APPL1: variants seen among roughly 807,000 people sequenced by gnomAD.
APPL1 encodes adaptor protein, phosphotyrosine interacting with PH domain and leucine zipper 1, also known as DCC-interacting protein 13-alpha.
APPL1 carries 42 observed loss-of-function variants against 106.8 expected under a neutral mutation model. The observed-to-expected ratio is 0.39, with a 90% confidence interval of 0.31 to 0.51. APPL1 has a LOEUF of 0.51. Among genes scored for constraint, APPL1 ranks in the 20% least tolerant of loss-of-function variants. The pLI is 0.75. For synonymous variants in APPL1, 263 were observed against 281.8 expected (o/e 0.93, Z 0.67); for missense variants, 769 against 858.2 (o/e 0.90, Z 1.30).
chr3:57,234,479 T>C (rs2060705535), intron 1 of APPL1, among the ~76,000 whole-genome samples: 1 of 151,464 alleles, frequency 6.6e-6, no homozygotes, highest in South Asian at 2.1e-4. Context: ...TTTGTATTTT[T>C]AGTAGAGATG....
At chr3:57,231,960 GA>G (rs2060689077) in intron 1 of APPL1, among the ~76,000 whole-genome samples, 1 of 152,120 alleles carries the variant, frequency 6.6e-6, no homozygotes, top group Non-Finnish European at 1.5e-5. Flanking sequence ...CATCTTTTAA[GA>G]ATACTGCCTG....
chr3:57,240,251 G>A (rs1175080982), intron 4 of APPL1, among the ~76,000 whole-genome samples: 1 of 151,196 alleles, frequency 6.6e-6, no homozygotes, highest in African/African-American at 2.4e-5. Context: ...ATGCAAGAAA[G>A]TGTTACCAAA....
intron 2 of APPL1, among the ~76,000 whole-genome samples, chr3:57,236,271 C>T (rs61497846): frequency 0.013 from 1,774 of 141,264 alleles, 32 homozygotes; most frequent in African/African-American, 0.044. Flanking sequence ...CTCGAACTCC[C>T]GACCTCAGGT....
At chr3:57,255,709 T>C (rs1189176817) in intron 13 of APPL1, among the ~76,000 whole-genome samples, 5 of 152,224 alleles carry the variant, frequency 3.3e-5, no homozygotes, top group African/African-American at 1.2e-4. Flanking sequence ...GTGTTAACTA[T>C]AGAGAAGGCT....
At chr3:57,247,127 C>A (rs1175560397) in intron 8 of APPL1, among the ~76,000 whole-genome samples, 1 of 151,748 alleles carries the variant, frequency 6.6e-6, no homozygotes, top group African/African-American at 2.4e-5. Context: ...ATTTATTTTC[C>A]AATTTTAAAA....
rs1280034530 is a variant in APPL1, at chr3:57,227,804, G to C, written c.-80G>C. The C allele has an allele frequency of 1.6e-6, 2 of 1,264,730 alleles. No homozygotes were observed. Among genetic ancestry groups the C allele is most frequent in the African/African-American group, 3.1e-5 (2 of 63,970 alleles). 78.3% of individuals were successfully genotyped at this position (1,264,730 alleles called of 1,614,324 possible). Reference sequence around the variant, plus strand: ...GCCCTTGCCGGAGAGGGCGGGCCGGGGTCAGCTGCGGCGGGCGGGCCGGCG... The same window carrying C: ...GCCCTTGCCGGAGAGGGCGGGCCGGCGTCAGCTGCGGCGGGCGGGCCGGCG... On this transcript the variant is annotated 5_prime_UTR_variant, in exon 1 of 22. Transcript: ENST00000288266.
chr3:57,235,714 C>A, intron 2 of APPL1, 50 bp downstream of exon 2: 2 of 1,343,096 alleles, frequency 1.5e-6, no homozygotes, highest in African/African-American at 1.4e-5. Flanking sequence ...AATCTTTAAG[C>A]CTCATGAGGA....
chr3:57,247,568 C>T, intron 9 of APPL1, 91 bp downstream of exon 9: 1 of 836,968 alleles, frequency 1.2e-6, no homozygotes, highest in Non-Finnish European at 1.8e-6. Context: ...CATTTACTTT[C>T]CTGAGGGAAT....
In APPL1 at chr3:57,257,802, C is replaced by T. The variant is rs114299923; in HGVS notation, c.1430+374C>T. On this transcript the variant is annotated intron_variant, in intron 15 of 21. Transcript: ENST00000288266. The stretch of plus-strand genomic sequence containing the variant: ...TTTATTAGAAAATATTATCTTATAC[C>T]AGAATAAGAAATCTTCAGGAAGTTA... 2.7e-3 allele frequency among the ~76,000 whole-genome samples: 416 copies of T among 151,980 alleles called. 1 individual carries two copies. The highest frequency in any genetic ancestry group is 9.6e-3 in the African/African-American group (398 of 41,460).
In APPL1 at chr3:57,256,961, C is replaced by G; in HGVS notation, c.1157C>G (p.Thr386Ser). 4 of 1,613,908 alleles carry G rather than the reference C, an allele frequency of 2.5e-6. No homozygotes were observed. Among genetic ancestry groups the G allele is most frequent in the Non-Finnish European group, 3.4e-6 (4 of 1,179,890 alleles). ...TTTTTAAAAAAATTGAAATAGGAAACTGCTGCACGAGTAAATCAATCAGCT... is the reference window on the plus strand; with the variant it reads ...TTTTTAAAAAAATTGAAATAGGAAAGTGCTGCACGAGTAAATCAATCAGCT... The part of the protein sequence containing the change: ...QIYLSENPEE[T>S]AARVNQSALE... Residue 386 changes from threonine to serine, a missense_variant, in exon 14 of 22, where the codon ACT becomes AGT. Physicochemically the swap from Thr to Ser is moderately conservative, Grantham distance 58. Transcript: ENST00000288266.
Position 57,248,253 on chromosome 3 carries a change from A to T in APPL1, c.765A>T (p.Glu255Asp), listed in dbSNP as rs568849350. ...TGCAACAGACAATAGAGGATTTGGA[A>T]GTAGCCAGTGATCCCTTATATGTGC... ...ETMQQTIEDL[E>D]VASDPLYVPD... is the part of the protein sequence containing the mutation. The change falls in exon 10 of 22, where the codon GAA (glutamate) becomes GAT (aspartate). Residue 255 changes from glutamate (E) to aspartate (D), a missense_variant. By Grantham distance (45) the Glu-to-Asp change is conservative. Transcript: ENST00000288266. The T allele has an allele frequency of 1.2e-6, 2 of 1,614,206 alleles. No homozygotes were observed. The highest frequency in any genetic ancestry group is 3.3e-5 in the Admixed American group (2 of 60,024).
intron 16 of APPL1, 64 bp downstream of exon 16, chr3:57,259,144 A>G (rs1238656131): frequency 3.7e-6 from 5 of 1,357,858 alleles, no homozygotes; most frequent in Middle Eastern, 1.8e-4. Context: ...TGAATAATTT[A>G]TTGTTTATAT....
Position 57,230,681 on chromosome 3 carries a change from A to C in APPL1, c.54+2744A>C, listed in dbSNP as rs577480126. ...GCTGAGATTAATGCTTTGGAGCATA[A>C]ATTTTCTTCTCAGTTTGAACTATTT... is the stretch of plus-strand genomic sequence containing the variant. On this transcript the variant is annotated intron_variant, in intron 1 of 21. Transcript: ENST00000288266. 6.0e-4 allele frequency: 236 copies of C among 393,010 alleles called. 1 individual carries two copies. The highest frequency in any genetic ancestry group is 1.1e-3 in the Non-Finnish European group (217 of 197,382). 24.3% of individuals were successfully genotyped at this position (393,010 alleles called of 1,614,324 possible). A position where few individuals can be genotyped will look rare whatever the true frequency, so the allele number is the denominator to read the frequency against.
intron 1 of APPL1, among the ~76,000 whole-genome samples, chr3:57,233,987 G>A (rs1234149077): frequency 6.6e-6 from 1 of 152,130 alleles, no homozygotes; most frequent in Non-Finnish European, 1.5e-5. Flanking sequence ...GGGAGGCTGA[G>A]GTGGGAGGAT....
At position 57,271,259 on chromosome 3, in the gene APPL1, GATAA is replaced by G. The variant is rs2060937388; in HGVS notation, c.*1573_*1576del. ...TGTACATTGTTTTCTGTAGGAATAGGATAATGATATATAGGATCATGATATTCCT... is the reference window on the plus strand; with the variant it reads ...TGTACATTGTTTTCTGTAGGAATAGGTGATATATAGGATCATGATATTCCT... On this transcript the variant is annotated 3_prime_UTR_variant, in exon 22 of 22. Transcript: ENST00000288266. 6.6e-6 allele frequency: 1 copy of G among 152,510 alleles called. No homozygotes were observed. The highest frequency in any genetic ancestry group is 2.4e-5 in the African/African-American group (1 of 41,498). 9.4% of individuals were successfully genotyped at this position (152,510 alleles called of 1,614,324 possible).
intron 19 of APPL1, 84 bp from the exon 20 acceptor site, chr3:57,267,658 T>G: frequency 8.7e-7 from 1 of 1,144,542 alleles, no homozygotes; most frequent in Non-Finnish European, 1.3e-6. Context: ...GTTATAAAAC[T>G]AGTTCCATCA....
In APPL1 at chr3:57,257,376, C is replaced by T; in HGVS notation, c.1378C>T (p.Pro460Ser). The T allele has an allele frequency of 1.2e-6, 2 of 1,614,072 alleles. No homozygotes were observed. Among genetic ancestry groups the T allele is most frequent in the South Asian group, 1.1e-5 (1 of 91,064 alleles). ...DTPIQFDIIS[P>S]VCEDQPGQAK... ...CCCAATACAGTTTGACATAATTTCT[C>T]CTGTGTGTGAAGATCAGCCTGGCCA... Residue 460 changes from proline (P) to serine (S), a missense_variant, in exon 15 of 22, where the codon CCT becomes TCT. Physicochemically the swap from Pro to Ser is moderately conservative, Grantham distance 74 (BLOSUM62 -1). Coordinates refer to ENST00000288266, the MANE Select transcript of APPL1 (RefSeq NM_012096.3).
chr3:57,248,686 A>G (rs1331000970), intron 10 of APPL1, among the ~76,000 whole-genome samples: 2 of 152,164 alleles, frequency 1.3e-5, no homozygotes, highest in African/African-American at 4.8e-5. Flanking sequence ...CCTGGCCAAC[A>G]TGGTGAAACC....
intron 12 of APPL1, among the ~76,000 whole-genome samples, chr3:57,252,991 A>T (rs1372646688): frequency 6.6e-6 from 1 of 152,178 alleles, no homozygotes; most frequent in East Asian, 1.9e-4. Flanking sequence ...TTTACTTCTT[A>T]TGGAAAAGAG....
Sources: allele counts gnomAD v4.1 joint callset (sites outside exome capture counted in the v4.1 genomes callset), GRCh38; gene constraint gnomAD v4.1.1; transcripts MANE v1.5; gene names NCBI Gene and HGNC (gene_info 2026-07-23, HGNC 2026-07-21).